Variants in ZMIZ1 observed in about 807,000 individuals in gnomAD.
ZMIZ1 encodes the protein zinc finger MIZ domain-containing protein 1.
In ZMIZ1, 17 loss-of-function variants were observed where a neutral mutation model predicts 113.9. The observed-to-expected ratio is 0.15, with a 90% confidence interval of 0.10 to 0.22. ZMIZ1 has a LOEUF of 0.22. ZMIZ1 is among the 10% of genes least tolerant of loss of function. The pLI is 1.00. For synonymous variants in ZMIZ1, 607 were observed against 603.1 expected (o/e 1.01, Z -0.09); for missense variants, 1,059 against 1,477.8 (o/e 0.72, Z 4.65).
rs114811160 is a variant in ZMIZ1 at position 79,141,233 on chromosome 10, A to G, written c.-131+1456A>G. ...TCATTCCCCAGGTGTTGACCGAGAA[A>G]GTCTGTCAGGAACTCTTTAAGTTCA... On this transcript the variant is annotated intron_variant, in intron 3 of 24. Coordinates refer to ENST00000334512, the MANE Select transcript of ZMIZ1 (RefSeq NM_020338.4). 3.6e-3 allele frequency among the ~76,000 whole-genome samples: 549 copies of G among 152,272 alleles called. 4 individuals carry two copies. The highest frequency in any genetic ancestry group is 0.013 in the African/African-American group (530 of 41,552).
intron 5 of ZMIZ1, among the ~76,000 whole-genome samples, chr10:79,207,012 C>A (rs557300470): frequency 2.6e-5 from 4 of 152,358 alleles, no homozygotes; most frequent in East Asian, 3.9e-4. Flanking sequence ...TCTGTCATAT[C>A]CCCATTTTAC....
At chr10:79,178,591 T>C (rs1846971436) in intron 4 of ZMIZ1, among the ~76,000 whole-genome samples, 1 of 152,164 alleles carries the variant, frequency 6.6e-6, no homozygotes, top group South Asian at 2.1e-4. Context: ...GACAGCTTTA[T>C]GGAAGACAGA....
intron 8 of ZMIZ1, among the ~76,000 whole-genome samples, chr10:79,286,962 G>T (rs868499668): frequency 7.2e-5 from 11 of 152,262 alleles, no homozygotes. Flanking sequence ...GGGTTGGTGG[G>T]AACTTGTGGG....
intron 7 of ZMIZ1, among the ~76,000 whole-genome samples, chr10:79,269,489 A>ACACACACACACACACACACT (rs1306206360): frequency 3.4e-5 from 5 of 147,084 alleles, no homozygotes; most frequent in African/African-American, 1.3e-4. Flanking sequence ...ACACACACAC[A>ACACACACACACACACACACT]CTTTCTCTGT....
intron 1 of ZMIZ1, among the ~76,000 whole-genome samples, chr10:79,113,794 C>G (rs1006936473): frequency 6.6e-6 from 1 of 152,024 alleles, no homozygotes; most frequent in African/African-American, 2.4e-5. Context: ...CCTCTGAGCC[C>G]CCTCTCCATT....
intron 24 of ZMIZ1, among the ~76,000 whole-genome samples, chr10:79,311,837 G>A (rs1487345810): frequency 6.6e-6 from 1 of 151,822 alleles, no homozygotes; most frequent in Non-Finnish European, 1.5e-5. Context: ...TGGCGGGATG[G>A]GACTGAGCAC....
chr10:79,301,071 C>T (rs781717563), intron 17 of ZMIZ1, 129 bp downstream of exon 17: 11 of 1,353,510 alleles, frequency 8.1e-6, no homozygotes, highest in South Asian at 2.8e-5. Flanking sequence ...TGCCCACAGC[C>T]GCCAAAGATA....
chr10:79,116,337 G>C (rs1844029259), intron 1 of ZMIZ1, among the ~76,000 whole-genome samples: 1 of 152,080 alleles, frequency 6.6e-6, no homozygotes, highest in Non-Finnish European at 1.5e-5. Flanking sequence ...TAGAGCTTCT[G>C]CTTGGAGAAC....
At chr10:79,266,483 C>G (rs1589522944) in intron 7 of ZMIZ1, among the ~76,000 whole-genome samples, 1 of 152,212 alleles carries the variant, frequency 6.6e-6, no homozygotes, top group East Asian at 1.9e-4. Flanking sequence ...AACCACACGG[C>G]TGGGAGAACC....
chr10:79,285,752 C>T (rs978834395), intron 8 of ZMIZ1: 1 of 365,594 alleles, frequency 2.7e-6, no homozygotes, highest in Non-Finnish European at 5.5e-6. Context: ...GCTCCTGAGG[C>T]AGAAGGGAGA....
intron 4 of ZMIZ1, among the ~76,000 whole-genome samples, chr10:79,179,717 C>G (rs1190404105): frequency 6.6e-6 from 1 of 152,284 alleles, no homozygotes; most frequent in Non-Finnish European, 1.5e-5. Flanking sequence ...CCCTGCTCCA[C>G]ACTCTAGCTC....
chr10:79,130,115 A>G (rs1341551778), intron 2 of ZMIZ1, among the ~76,000 whole-genome samples: 1 of 151,962 alleles, frequency 6.6e-6, no homozygotes, highest in East Asian at 1.9e-4. Context: ...CCCCTTAACC[A>G]TCTCTGGATC....
intron 8 of ZMIZ1, among the ~76,000 whole-genome samples, chr10:79,277,806 C>G (rs148298988): frequency 2.6e-5 from 4 of 152,194 alleles, no homozygotes; most frequent in African/African-American, 9.7e-5. Flanking sequence ...CCGACAGCAC[C>G]GAGGGATTGT....
intron 8 of ZMIZ1, among the ~76,000 whole-genome samples, chr10:79,282,289 T>G (rs1203747851): frequency 2.0e-5 from 3 of 152,180 alleles, no homozygotes; most frequent in Admixed American, 6.5e-5. Context: ...CAGGAAGCTC[T>G]TTTTGCCTTT....
intron 7 of ZMIZ1, among the ~76,000 whole-genome samples, chr10:79,263,127 G>A (rs569336307): frequency 4.6e-5 from 7 of 152,362 alleles, no homozygotes; most frequent in Admixed American, 2.0e-4. Flanking sequence ...CACTGCATGC[G>A]CCAGCGCAGT....
At chr10:79,116,029 G>A (rs1050223007) in intron 1 of ZMIZ1, among the ~76,000 whole-genome samples, 7 of 152,208 alleles carry the variant, frequency 4.6e-5, no homozygotes, top group Non-Finnish European at 1.0e-4. Context: ...AATTAAGAGG[G>A]AAGGAGTGGT....
intron 3 of ZMIZ1, among the ~76,000 whole-genome samples, chr10:79,144,938 T>G (rs1353171720): frequency 1.3e-5 from 2 of 151,970 alleles, no homozygotes; most frequent in East Asian, 3.9e-4. Flanking sequence ...CCTGGCTTCT[T>G]CATCCACTTC....
At chr10:79,190,049 C>T (rs1423400920) in intron 4 of ZMIZ1, among the ~76,000 whole-genome samples, 3 of 152,222 alleles carry the variant, frequency 2.0e-5, no homozygotes, top group Admixed American at 6.5e-5. Context: ...CTCCCACCCC[C>T]GGATCTAGGG....
At chr10:79,248,730 C>T (rs1352723829) in intron 7 of ZMIZ1, among the ~76,000 whole-genome samples, 1 of 152,188 alleles carries the variant, frequency 6.6e-6, no homozygotes, top group African/African-American at 2.4e-5. Context: ...CACAACAGTC[C>T]TCTGCTCTCC....
Sources: gnomAD v4.1 joint callset for allele counts (sites outside exome capture counted in the v4.1 genomes callset) on GRCh38, gnomAD v4.1.1 for gene constraint, MANE v1.5 for transcripts, NCBI Gene and HGNC (gene_info 2026-07-23, HGNC 2026-07-21) for gene names.